Variants in EFNA5 observed in about 807,000 individuals in gnomAD.
EFNA5 encodes the protein ephrin A5.
A neutral mutation model predicts 22.9 loss-of-function variants in EFNA5; 5 were observed. The ratio of observed to expected loss-of-function variants is 0.22; its 90% CI spans 0.11 to 0.46. The LOEUF is 0.46. EFNA5 is among the 20% of genes least tolerant of loss of function. The pLI is 0.99. For missense variants in EFNA5, 237 were observed against 293.3 expected, an observed-to-expected ratio of 0.81 and a Z score of 1.40; for synonymous variants, 113 against 112.2, an observed-to-expected ratio of 1.01 and a Z score of -0.04.
At chr5:107,603,178 ACTC>A (rs1288086978) in intron 1 of EFNA5, among the ~76,000 whole-genome samples, 4 of 152,080 alleles carry the variant, frequency 2.6e-5, no homozygotes, top group Non-Finnish European at 5.9e-5. Flanking sequence ...TTTAAGCCGA[ACTC>A]CTCCTTCCTG....
chr5:107,561,590 G>A (rs996544244), intron 1 of EFNA5, among the ~76,000 whole-genome samples: 11 of 152,112 alleles, frequency 7.2e-5, no homozygotes, highest in Admixed American at 3.3e-4. Flanking sequence ...GGCTGGTCTC[G>A]AACTCCTGAC....
chr5:107,595,603 C>T (rs1434032982), intron 1 of EFNA5, among the ~76,000 whole-genome samples: 1 of 152,144 alleles, frequency 6.6e-6, no homozygotes, highest in Non-Finnish European at 1.5e-5. Context: ...TTATAATTTT[C>T]CTGAAATCAT....
chr5:107,439,623 T>C (rs1465797055), intron 1 of EFNA5, among the ~76,000 whole-genome samples: 2 of 152,188 alleles, frequency 1.3e-5, no homozygotes, highest in Non-Finnish European at 1.5e-5. Context: ...ACTCAGCATC[T>C]ACTTGCTGCT....
intron 1 of EFNA5, among the ~76,000 whole-genome samples, chr5:107,540,212 A>G (rs1441796373): frequency 1.3e-5 from 2 of 152,222 alleles, no homozygotes; most frequent in Non-Finnish European, 2.9e-5. Flanking sequence ...CTCAAGCTTT[A>G]TGAACATACA....
chr5:107,488,256 TATTG>T (rs1168690414), intron 1 of EFNA5, among the ~76,000 whole-genome samples: 4 of 152,270 alleles, frequency 2.6e-5, no homozygotes, highest in Non-Finnish European at 4.4e-5. Context: ...TCAATTTTTT[TATTG>T]ATTGATTGAT....
In EFNA5 at chr5:107,485,308, A is replaced by T. The variant is rs896711681; in HGVS notation, c.126-57799T>A. Among the ~76,000 whole-genome samples the T allele has an allele frequency of 2.0e-5, 3 of 152,244 alleles. No individual in the cohort carries two copies. In the East Asian group the frequency reaches 5.8e-4, roughly 29 times the overall value. On this transcript the variant is annotated intron_variant, in intron 1 of 4. Coordinates refer to ENST00000333274, the MANE Select transcript of EFNA5 (RefSeq NM_001962.3). ...TGAAGAATGAAAAACATTAAAATGCAAATTCAATGTAAAAAAGAAAGCAAG... is the reference window on the plus strand; with the variant it reads ...TGAAGAATGAAAAACATTAAAATGCTAATTCAATGTAAAAAAGAAAGCAAG...
intron 1 of EFNA5, among the ~76,000 whole-genome samples, chr5:107,583,719 C>T (rs183041263): frequency 3.9e-5 from 6 of 152,310 alleles, no homozygotes; most frequent in Non-Finnish European, 7.4e-5. Flanking sequence ...CCTCAGTAGA[C>T]AGACATGAAA....
intron 1 of EFNA5, among the ~76,000 whole-genome samples, chr5:107,443,493 G>C (rs552943481): frequency 6.6e-6 from 1 of 152,202 alleles, no homozygotes; most frequent in Non-Finnish European, 1.5e-5. Flanking sequence ...TGTTGAACTG[G>C]AGACAGTTAA....
At chr5:107,419,627 T>G (rs908863460) in intron 2 of EFNA5, among the ~76,000 whole-genome samples, 6 of 152,162 alleles carry the variant, frequency 3.9e-5, no homozygotes, top group South Asian at 2.1e-4. Flanking sequence ...ACGTTAAAAT[T>G]TGTCGGTTTC....
At chr5:107,513,945 T>C (rs1295336814) in intron 1 of EFNA5, among the ~76,000 whole-genome samples, 7 of 152,156 alleles carry the variant, frequency 4.6e-5, no homozygotes, top group African/African-American at 1.7e-4. Context: ...GTCGCACAGG[T>C]GTTGGTGCTG....
intron 1 of EFNA5, among the ~76,000 whole-genome samples, chr5:107,503,733 C>T (rs1349456129): frequency 6.6e-6 from 1 of 152,146 alleles, no homozygotes; most frequent in Non-Finnish European, 1.5e-5. Context: ...AAGCTATCAG[C>T]AGTCACTTTA....
At chr5:107,412,156 A>G (rs17159930) in intron 2 of EFNA5, among the ~76,000 whole-genome samples, 2,861 of 152,306 alleles carry the variant, frequency 0.019, 75 homozygotes, top group African/African-American at 0.064. Flanking sequence ...GGTGATACTA[A>G]CTTTGGGCGA....
chr5:107,579,816 C>T (rs1009326481), intron 1 of EFNA5, among the ~76,000 whole-genome samples: 2 of 152,180 alleles, frequency 1.3e-5, no homozygotes, highest in African/African-American at 4.8e-5. Flanking sequence ...GCACTTCTGA[C>T]CTTTGCATCC....
chr5:107,423,413 TAA>T (rs11484483), intron 2 of EFNA5, among the ~76,000 whole-genome samples: 3 of 145,328 alleles, frequency 2.1e-5, no homozygotes, highest in African/African-American at 2.5e-5. Flanking sequence ...AAAGGAGTAT[TAA>T]AAAAAAAAAA....
intron 1 of EFNA5, among the ~76,000 whole-genome samples, chr5:107,521,772 G>A (rs936368399): frequency 2.0e-5 from 3 of 152,052 alleles, no homozygotes; most frequent in African/African-American, 7.2e-5. Flanking sequence ...TCATACCATC[G>A]TAAAGTGCAT....
At chr5:107,444,795 T>C (rs1749348019) in intron 1 of EFNA5, among the ~76,000 whole-genome samples, 1 of 152,132 alleles carries the variant, frequency 6.6e-6, no homozygotes. Context: ...GACACAGCCC[T>C]AGGAGAATAA....
chr5:107,571,979 A>C (rs1451299968), intron 1 of EFNA5, among the ~76,000 whole-genome samples: 1 of 152,110 alleles, frequency 6.6e-6, no homozygotes, highest in African/African-American at 2.4e-5. Context: ...GGGATGGCAA[A>C]GCAGAGCCTA....
chr5:107,519,500 C>G (rs1276959209), intron 1 of EFNA5, among the ~76,000 whole-genome samples: 1 of 152,152 alleles, frequency 6.6e-6, no homozygotes, highest in Non-Finnish European at 1.5e-5. Context: ...GTAGAAAGCC[C>G]TGTTCAGAAT....
At chr5:107,460,634 G>GA (rs543485105) in intron 1 of EFNA5, among the ~76,000 whole-genome samples, 586 of 150,718 alleles carry the variant, frequency 3.9e-3, no homozygotes, top group Middle Eastern at 0.01. Flanking sequence ...TAAAATGTGA[G>GA]AAAAAAAAAC....
Sources: allele counts gnomAD v4.1 joint callset (sites outside exome capture counted in the v4.1 genomes callset), GRCh38; gene constraint gnomAD v4.1.1; transcripts MANE v1.5; gene names NCBI Gene and HGNC (gene_info 2026-07-23, HGNC 2026-07-21).